The following GKAP1 variants were observed in gnomAD, a reference collection of about 807,000 sequenced individuals.
GKAP1 encodes the protein G kinase-anchoring protein 1.
GKAP1 carries 31 observed loss-of-function variants against 56.7 expected under a neutral mutation model. That is an observed-to-expected ratio of 0.55 (90% CI 0.41 to 0.74). The LOEUF is 0.74. Among genes scored for constraint, GKAP1 ranks in the 30% least tolerant of loss-of-function variants. The pLI is 0.00. For synonymous variants in GKAP1, 151 were observed against 138.6 expected (o/e 1.09, Z -0.63); for missense variants, 364 against 402.3 (o/e 0.90, Z 0.82).
At chr9:83,750,003 C>T (rs905482059) in intron 9 of GKAP1, among the ~76,000 whole-genome samples, 3 of 152,156 alleles carry the variant, frequency 2.0e-5, no homozygotes, top group African/African-American at 7.2e-5. Flanking sequence ...ACTACACTCG[C>T]TATGAAATTC....
At chr9:83,743,224 CTAAA>C (rs1220260903) in intron 10 of GKAP1, among the ~76,000 whole-genome samples, 2 of 151,978 alleles carry the variant, frequency 1.3e-5, no homozygotes, top group African/African-American at 2.4e-5. Flanking sequence ...TATATCTACT[CTAAA>C]TAGGACAAGG....
chr9:83,780,427 G>T, intron 6 of GKAP1, 23 bp from the exon 7 acceptor site: 3 of 478,926 alleles, frequency 6.3e-6, no homozygotes, highest in Non-Finnish European at 6.4e-6. Flanking sequence ...AAGAAACAAA[G>T]ATGAAACTTT....
chr9:83,796,333 A>G (rs966259100), intron 4 of GKAP1, among the ~76,000 whole-genome samples: 9 of 152,188 alleles, frequency 5.9e-5, no homozygotes, highest in African/African-American at 2.2e-4. Context: ...TATCATGTCA[A>G]TTTTATCAGC....
In GKAP1 at chr9:83,778,239, C is replaced by T. The variant is rs574083398; in HGVS notation, c.585+2143G>A. On this transcript the variant is annotated intron_variant, in intron 7 of 12. Transcript: ENST00000376371. ...TATAAATGGTTCTATTATAAAGACA[C>T]GTGCACACATATGTTCACTGAAGCA... Among the ~76,000 whole-genome samples the T allele has an allele frequency of 7.2e-5, 11 of 152,234 alleles. No homozygotes were observed. In the East Asian group the frequency reaches 9.7e-4, roughly 13 times the overall value.
At chr9:83,755,407 G>A (rs1304945390) in intron 8 of GKAP1, among the ~76,000 whole-genome samples, 1 of 151,994 alleles carries the variant, frequency 6.6e-6, no homozygotes, top group African/African-American at 2.4e-5. Context: ...TTTAACTGTC[G>A]TGAACATGGG....
At chr9:83,775,362 C>T (rs538321876) in intron 7 of GKAP1, among the ~76,000 whole-genome samples, 5 of 152,080 alleles carry the variant, frequency 3.3e-5, no homozygotes, top group East Asian at 3.9e-4. Context: ...ATTTCTCCAA[C>T]GAGTCCTGGT....
intron 9 of GKAP1, among the ~76,000 whole-genome samples, chr9:83,751,844 G>T (rs985992855): frequency 6.6e-6 from 1 of 152,010 alleles, no homozygotes; most frequent in African/African-American, 2.4e-5. Context: ...AAAGGATGTG[G>T]AGAAACTGGA....
chr9:83,814,945 G>A (rs1286220493), intron 2 of GKAP1, among the ~76,000 whole-genome samples: 1 of 151,950 alleles, frequency 6.6e-6, no homozygotes, highest in African/African-American at 2.4e-5. Context: ...AGGCCAAGGC[G>A]GGTGGATCAC....
intron 10 of GKAP1, 28 bp downstream of exon 10, chr9:83,748,281 T>C: frequency 6.8e-7 from 1 of 1,465,966 alleles, no homozygotes; most frequent in Non-Finnish European, 9.4e-7. Context: ...GATAAACTTT[T>C]AATTACAAAA....
intron 8 of GKAP1, among the ~76,000 whole-genome samples, chr9:83,754,473 C>A (rs1004789785): frequency 1.3e-5 from 2 of 152,154 alleles, no homozygotes; most frequent in Non-Finnish European, 2.9e-5. Flanking sequence ...TGAAAAGATT[C>A]TGTGTTTCTT....
intron 4 of GKAP1, among the ~76,000 whole-genome samples, chr9:83,792,334 T>G (rs150242335): frequency 6.6e-6 from 1 of 152,230 alleles, no homozygotes; most frequent in African/African-American, 2.4e-5. Context: ...TTCCTAAAAT[T>G]TAAGGCTATA....
chr9:83,787,297 G>C (rs906870647), intron 5 of GKAP1, among the ~76,000 whole-genome samples: 2 of 152,102 alleles, frequency 1.3e-5, no homozygotes, highest in Non-Finnish European at 2.9e-5. Context: ...AGTGCAGTGG[G>C]ATGATCATAG....
Position 83,803,224 on chromosome 9 carries a change from TCCCTCTC to T in GKAP1, c.216+3071_216+3077del, listed in dbSNP as rs374838110. 1.9e-3 allele frequency among the ~76,000 whole-genome samples: 284 copies of T among 146,128 alleles called. 2 individuals carry two copies. The highest frequency in any genetic ancestry group is 4.1e-3 in the African/African-American group (167 of 40,318). On this transcript the variant is annotated intron_variant, in intron 3 of 12. Transcript: ENST00000376371. ...ATAAAGTATGAAATAACCATGTAGC[TCCCTCTC>T]CCCTCTCCCCTCTCCCCTCTCCCTC... is the stretch of plus-strand genomic sequence containing the variant.
intron 7 of GKAP1, among the ~76,000 whole-genome samples, chr9:83,773,652 T>C (rs566589312): frequency 2.0e-5 from 3 of 152,324 alleles, no homozygotes; most frequent in South Asian, 2.1e-4. Flanking sequence ...AAGGTAACCA[T>C]TACCTCAACT....
intron 8 of GKAP1, among the ~76,000 whole-genome samples, chr9:83,765,679 C>T (rs1187315235): frequency 2.0e-5 from 3 of 152,152 alleles, no homozygotes; most frequent in Non-Finnish European, 2.9e-5. Context: ...GAGATCATTT[C>T]GGAACTTTAA....
At chr9:83,771,350 T>C (rs1262702191) in intron 7 of GKAP1, among the ~76,000 whole-genome samples, 3 of 152,312 alleles carry the variant, frequency 2.0e-5, no homozygotes, top group Admixed American at 2.0e-4. Flanking sequence ...CCCAAAGTGC[T>C]AGGATTATAG....
chr9:83,816,024 A>T (rs1446411976), intron 2 of GKAP1, among the ~76,000 whole-genome samples: 1 of 123,296 alleles, frequency 8.1e-6, no homozygotes, highest in East Asian at 2.3e-4. Context: ...CGTCTGTATT[A>T]AAAATACAAA....
At chr9:83,743,472 G>A (rs1043519813) in intron 10 of GKAP1, among the ~76,000 whole-genome samples, 1 of 152,050 alleles carries the variant, frequency 6.6e-6, no homozygotes, top group African/African-American at 2.4e-5. Context: ...GCACATTCTT[G>A]TAATCCCAGC....
chr9:83,762,653 T>C lies in GKAP1; in HGVS notation c.738+6165A>G, dbSNP rs576167818. On this transcript the variant is annotated intron_variant, in intron 8 of 12. Transcript: ENST00000376371. The stretch of plus-strand genomic sequence containing the variant: ...CATGTTACCTGACTTCAAATTATAC[T>C]ACAGAGCTATAGTAACCAAATAACA... 1.6e-4 allele frequency among the ~76,000 whole-genome samples: 25 copies of C among 152,196 alleles called. No homozygotes were observed. The South Asian group carries it at 5.2e-3, about 32-fold the overall frequency.
Sources: gnomAD v4.1 joint callset for allele counts (sites outside exome capture counted in the v4.1 genomes callset) on GRCh38, gnomAD v4.1.1 for gene constraint, MANE v1.5 for transcripts, NCBI Gene and HGNC (gene_info 2026-07-23, HGNC 2026-07-21) for gene names.